ADAM12: variants seen among roughly 807,000 people sequenced by gnomAD.
ADAM12 encodes the protein ADAM metallopeptidase domain 12.
ADAM12 carries 70 observed loss-of-function variants against 106.4 expected under a neutral mutation model. The ratio of observed to expected loss-of-function variants is 0.66; its 90% confidence interval spans 0.54 to 0.80. ADAM12 has a LOEUF of 0.80. Ranked by LOEUF, ADAM12 falls within the 30% of genes least tolerant of loss-of-function variation. The pLI is 0.00. For missense variants in ADAM12, 1,010 were observed against 1,171.9 expected, an observed-to-expected ratio of 0.86 and a Z score of 2.02; for synonymous variants, 420 against 433.5, an observed-to-expected ratio of 0.97 and a Z score of 0.39.
chr10:126,032,207 G>A lies in ADAM12; in HGVS notation c.2529+3939C>T, dbSNP rs532185168. ...TGAAGCAGGATTAGCTGTGTGTCACGTTGTCCTGGGCAGGGCATGAGGAAC... is the reference window on the plus strand; with the variant it reads ...TGAAGCAGGATTAGCTGTGTGTCACATTGTCCTGGGCAGGGCATGAGGAAC... On this transcript the variant is annotated intron_variant, in intron 21 of 22. Coordinates refer to ENST00000448723, the MANE Select transcript of ADAM12 (RefSeq NM_001288973.2). 9.2e-5 allele frequency among the ~76,000 whole-genome samples: 14 copies of A among 152,318 alleles called. No homozygotes were observed. In the East Asian group the frequency reaches 2.3e-3, roughly 25 times the overall value.
intron 3 of ADAM12, among the ~76,000 whole-genome samples, chr10:126,202,974 A>G (rs955196312): frequency 6.6e-6 from 1 of 152,222 alleles, no homozygotes; most frequent in African/African-American, 2.4e-5. Flanking sequence ...ACATTGTTGC[A>G]GATAGTAGAA....
At chr10:126,364,961 G>A (rs1161223096) in intron 1 of ADAM12, among the ~76,000 whole-genome samples, 1 of 152,116 alleles carries the variant, frequency 6.6e-6, no homozygotes, top group Admixed American at 6.5e-5. Context: ...AGTTTGAAAG[G>A]AGGAACTTAA....
intron 11 of ADAM12, among the ~76,000 whole-genome samples, chr10:126,074,733 C>T (rs1450401434): frequency 6.6e-6 from 1 of 152,200 alleles, no homozygotes; most frequent in African/African-American, 2.4e-5. Flanking sequence ...CAACCTTGCT[C>T]TGAGGAACAG....
At position 126,106,113 on chromosome 10, in the gene ADAM12, T is replaced by C. The variant is rs1775568514; in HGVS notation, c.741+2480A>G. On this transcript the variant is annotated intron_variant, in intron 8 of 22. Coordinates refer to ENST00000448723, the MANE Select transcript of ADAM12 (RefSeq NM_001288973.2). ...ACCTGCCCCTCCACTCCAACGAAACTGGCGGTCATGTGGTCTCCCACTCGC... is the reference window on the plus strand; with the variant it reads ...ACCTGCCCCTCCACTCCAACGAAACCGGCGGTCATGTGGTCTCCCACTCGC... 2.0e-5 allele frequency among the ~76,000 whole-genome samples: 3 copies of C among 152,070 alleles called. No individual in the cohort carries two copies. The South Asian group carries it at 6.2e-4, about 32-fold the overall frequency.
At chr10:126,244,001 G>A (rs1457994403) in intron 3 of ADAM12, among the ~76,000 whole-genome samples, 1 of 152,182 alleles carries the variant, frequency 6.6e-6, no homozygotes, top group Admixed American at 6.5e-5. Flanking sequence ...TCAGACTGGG[G>A]GAGAAAGGTT....
intron 3 of ADAM12, among the ~76,000 whole-genome samples, chr10:126,193,264 CAAAAAAAAA>C (rs757716875): frequency 3.4e-4 from 9 of 26,610 alleles, no homozygotes; most frequent in Non-Finnish European, 6.2e-4. Flanking sequence ...GACTCCATCT[CAAAAAAAAA>C]AAAAAAAAAA....
chr10:126,203,945 T>C lies in ADAM12; in HGVS notation c.261-48640A>G, dbSNP rs1054920507. Among the ~76,000 whole-genome samples, 225 of 151,822 alleles carry C rather than the reference T, an allele frequency of 1.5e-3. 1 individual carries two copies. The highest frequency in any genetic ancestry group is 0.014 in the East Asian group (73 of 5,130). The stretch of plus-strand genomic sequence containing the variant: ...GAGTGAGTGCGCGCGCGCGCGTGTG[T>C]GTGTGTGTGTGTGTGTGAACCAAAC... On this transcript the variant is annotated intron_variant, in intron 3 of 22. Transcript: ENST00000448723.
At chr10:126,104,090 T>C (rs1056724061) in intron 8 of ADAM12, among the ~76,000 whole-genome samples, 2 of 152,184 alleles carry the variant, frequency 1.3e-5, no homozygotes, top group African/African-American at 4.8e-5. Flanking sequence ...ACTGCATCCT[T>C]CAGGCAACTG....
intron 11 of ADAM12, among the ~76,000 whole-genome samples, chr10:126,088,808 G>C (rs1438744262): frequency 2.6e-5 from 4 of 152,072 alleles, no homozygotes; most frequent in Non-Finnish European, 5.9e-5. Context: ...CCAGGCAGGT[G>C]TGCCATGAAT....
rs141829024 is a variant in ADAM12 at position 126,170,599 on chromosome 10, A to G, written c.261-15294T>C. 3.6e-3 allele frequency among the ~76,000 whole-genome samples: 549 copies of G among 152,236 alleles called. 1 individual carries two copies. Among genetic ancestry groups the G allele is most frequent in the Non-Finnish European group, 5.5e-3 (375 of 68,000 alleles). The stretch of plus-strand genomic sequence containing the variant: ...AAAAGCCATGGGTTGTGCCAGCCCC[A>G]TGCAGACACCACTGCCTGCAACAGA... On this transcript the variant is annotated intron_variant, in intron 3 of 22. Transcript: ENST00000448723.
intron 11 of ADAM12, among the ~76,000 whole-genome samples, chr10:126,075,704 C>G (rs1955087915): frequency 6.6e-6 from 1 of 152,150 alleles, no homozygotes; most frequent in African/African-American, 2.4e-5. Flanking sequence ...GTACAAGTGT[C>G]TGCAGACAGG....
At chr10:126,158,704 T>G (rs1956874010) in intron 3 of ADAM12, among the ~76,000 whole-genome samples, 1 of 113,198 alleles carries the variant, frequency 8.8e-6, no homozygotes, top group African/African-American at 3.5e-5. Flanking sequence ...AGGGAGAGGA[T>G]GCACAGAGCA....
At chr10:126,257,333 T>C (rs541387451) in intron 3 of ADAM12, among the ~76,000 whole-genome samples, 151 of 152,370 alleles carry the variant, frequency 9.9e-4, no homozygotes, top group African/African-American at 3.3e-3. Context: ...CATGGTCTTC[T>C]GTTCTGCGAT....
At chr10:126,345,331 G>A (rs1381327437) in intron 1 of ADAM12, among the ~76,000 whole-genome samples, 6 of 152,158 alleles carry the variant, frequency 3.9e-5, no homozygotes, top group Admixed American at 3.9e-4. Context: ...TACATTTATT[G>A]ATTTGCGTAT....
rs989761102 is a variant in ADAM12, at chr10:126,015,864, C to T, written c.*1415G>A. 3.3e-4 allele frequency: 50 copies of T among 152,170 alleles called. No homozygotes were observed. The highest frequency in any genetic ancestry group is 1.2e-3 in the African/African-American group (49 of 41,418). The allele number at this position is 152,170 out of a possible 1,614,324, so 9.4% of individuals were successfully genotyped here. ...ACCTTATCTGAGTATTTTTGTATTT[C>T]TCATGCCATTAGTCACTTTAAAGAC... On this transcript the variant is annotated 3_prime_UTR_variant, in exon 23 of 23. Coordinates refer to ENST00000448723, the MANE Select transcript of ADAM12 (RefSeq NM_001288973.2).
rs776085546 is a variant in ADAM12, at chr10:126,049,490, A to G, written c.1719-39T>C. 3 of 1,613,760 alleles carry G rather than the reference A, an allele frequency of 1.9e-6. No individual in the cohort carries two copies. Among genetic ancestry groups the G allele is most frequent in the Middle Eastern group, 3.3e-4 (2 of 6,084 alleles). On this transcript the variant is annotated intron_variant, in intron 15 of 22. Coordinates refer to ENST00000448723, the MANE Select transcript of ADAM12 (RefSeq NM_001288973.2). This position sits in a 1 kb window ranked among gnomAD's most constrained non-coding sequence, Gnocchi z 4.4. Reference sequence around the variant, plus strand: ...AACAAACAATTCCCAAGGAGAAACCATTTGGAACCAACCCTATGCAATGTG... The same window carrying G: ...AACAAACAATTCCCAAGGAGAAACCGTTTGGAACCAACCCTATGCAATGTG...
chr10:126,237,799 G>T (rs1447264956), intron 3 of ADAM12, among the ~76,000 whole-genome samples: 2 of 152,178 alleles, frequency 1.3e-5, no homozygotes, highest in Non-Finnish European at 2.9e-5. Context: ...CCACTGGAAA[G>T]AACTCTAATG....
intron 3 of ADAM12, among the ~76,000 whole-genome samples, chr10:126,227,609 C>A (rs1958222998): frequency 6.6e-6 from 1 of 152,094 alleles, no homozygotes; most frequent in African/African-American, 2.4e-5. Context: ...CAGCATTATC[C>A]CCAGTGCTTT....
At chr10:126,343,298 A>G (rs111536109) in intron 1 of ADAM12, among the ~76,000 whole-genome samples, 3,915 of 151,254 alleles carry the variant, frequency 0.026, 170 homozygotes, top group African/African-American at 0.09. Flanking sequence ...TTGTCCTTGC[A>G]ATAGTTTACT....
Sources: allele counts gnomAD v4.1 joint callset (sites outside exome capture counted in the v4.1 genomes callset), GRCh38; gene constraint gnomAD v4.1.1; non-coding constraint Gnocchi (gnomAD v3.1); transcripts MANE v1.5; gene names NCBI Gene and HGNC (gene_info 2026-07-23, HGNC 2026-07-21).